The following GPATCH8 variants were observed in gnomAD, a reference collection of about 807,000 sequenced individuals.
The protein encoded by GPATCH8 is G patch domain-containing protein 8.
A neutral mutation model predicts 118.3 loss-of-function variants in GPATCH8; 18 were observed. The observed-to-expected ratio is 0.15, with a 90% confidence interval of 0.11 to 0.23. The LOEUF is 0.23. Among genes scored for constraint, GPATCH8 ranks in the 10% least tolerant of loss-of-function variants. The pLI is 1.00. For synonymous variants in GPATCH8, 659 were observed against 684.7 expected, an observed-to-expected ratio of 0.96 and a Z score of 0.59; for missense variants, 1,631 against 1,873.8, an observed-to-expected ratio of 0.87 and a Z score of 2.39.
chr17:44,466,451 G>C (rs1461731542), intron 2 of GPATCH8, among the ~76,000 whole-genome samples: 1 of 152,144 alleles, frequency 6.6e-6, no homozygotes, highest in Non-Finnish European at 1.5e-5. Context: ...GAAAGAATTA[G>C]AAACACTACT....
chr17:44,439,886 C>T (rs1180638230), intron 3 of GPATCH8, among the ~76,000 whole-genome samples: 2 of 151,398 alleles, frequency 1.3e-5, no homozygotes, highest in Non-Finnish European at 2.9e-5. Flanking sequence ...TGGGTTCAAG[C>T]GATTCTCCTG....
At chr17:44,435,662 T>C (rs2050482286) in intron 4 of GPATCH8, among the ~76,000 whole-genome samples, 1 of 147,844 alleles carries the variant, frequency 6.8e-6, no homozygotes, top group African/African-American at 2.5e-5. Flanking sequence ...GGTGATCTGC[T>C]TGTCTCGGCC....
At chr17:44,442,112 TA>T (rs2050716088) in intron 3 of GPATCH8, among the ~76,000 whole-genome samples, 1 of 53,822 alleles carries the variant, frequency 1.9e-5, no homozygotes, top group Non-Finnish European at 5.6e-5. Flanking sequence ...TATATACATA[TA>T]TATATATATA....
chr17:44,473,001 C>A (rs927931005), intron 2 of GPATCH8, among the ~76,000 whole-genome samples: 2 of 151,586 alleles, frequency 1.3e-5, no homozygotes, highest in African/African-American at 4.9e-5. Context: ...GCCAGACCCT[C>A]CAGTTTTGTA....
At chr17:44,498,763 G>C (rs560938568) in intron 1 of GPATCH8, among the ~76,000 whole-genome samples, 8 of 152,116 alleles carry the variant, frequency 5.3e-5, no homozygotes, top group South Asian at 2.1e-4. Context: ...TCCAGATTAC[G>C]GGAGCGAGAC....
chr17:44,436,591 A>G (rs1401998443), intron 3 of GPATCH8, 46 bp from the exon 4 acceptor site: 12 of 921,344 alleles, frequency 1.3e-5, no homozygotes, highest in Admixed American at 3.4e-5. Context: ...AGCCAAACCA[A>G]CAGCTCATTT....
chr17:44,448,231 A>C (rs945806167), intron 3 of GPATCH8, among the ~76,000 whole-genome samples: 1 of 152,202 alleles, frequency 6.6e-6, no homozygotes, highest in Admixed American at 6.5e-5. Context: ...CCCCATTTAC[A>C]GATGGAGAAA....
chr17:44,400,315 C>T lies in GPATCH8; in HGVS notation c.1762G>A (p.Gly588Arg). 1 of 1,614,138 alleles carries T rather than the reference C, an allele frequency of 6.2e-7. No individual in the cohort carries two copies. Among genetic ancestry groups the T allele is most frequent in the Non-Finnish European group, 8.5e-7 (1 of 1,179,996 alleles). ...CCTATATCCTTTGGTTTTTCTGTTC[C>T]TTTAGTTCTGGCATCTTTGTTCCTT... Reference protein sequence around the residue: ...LSRNKDARTKGTEKPKDIGSS... With the variant: ...LSRNKDARTKRTEKPKDIGSS... The change falls in exon 8 of 8, where the codon GGA (glycine) becomes AGA (arginine). Residue 588 changes from glycine to arginine, a missense_variant. Around this residue, in one of 8 missense-constraint regions of GPATCH8, gnomAD observed 405 missense variants for 462.7 expected, o/e 0.88. Transcript: ENST00000591680.
rs762060303 is a variant in GPATCH8, at chr17:44,397,908, G to C, written c.4169C>G (p.Ala1390Gly). Reference sequence around the variant, plus strand: ...ATGGGGGTGAGGGTGAATGCCGATGGCGGCAGCAGCTGCGGCAGCATGATG... The same window carrying C: ...ATGGGGGTGAGGGTGAATGCCGATGCCGGCAGCAGCTGCGGCAGCATGATG... ...LQHHAAAAAA[A>G]IGIHPHPHPQ... The change falls in exon 8 of 8, where the codon GCC (alanine) becomes GGC (glycine). Residue 1390 changes from alanine (A) to glycine (G), a missense_variant. Physicochemically the swap from Ala to Gly is moderately conservative, Grantham distance 60. Transcript: ENST00000591680. The C allele has an allele frequency of 6.2e-7, 1 of 1,611,888 alleles. No homozygotes were observed. Among genetic ancestry groups the C allele is most frequent in the Non-Finnish European group, 8.5e-7 (1 of 1,178,198 alleles).
At chr17:44,440,701 A>G (rs568176352) in intron 3 of GPATCH8, among the ~76,000 whole-genome samples, 4 of 152,380 alleles carry the variant, frequency 2.6e-5, no homozygotes, top group African/African-American at 9.6e-5. Flanking sequence ...AGTCAAACAC[A>G]AAAACCCACT....
At chr17:44,490,993 G>A (rs902344576) in intron 1 of GPATCH8, among the ~76,000 whole-genome samples, 5 of 152,146 alleles carry the variant, frequency 3.3e-5, no homozygotes, top group African/African-American at 7.2e-5. Context: ...TGATTCTGAC[G>A]TCTACATAAT....
At chr17:44,457,143 G>A (rs1487975330) in intron 3 of GPATCH8, among the ~76,000 whole-genome samples, 17 of 152,190 alleles carry the variant, frequency 1.1e-4, no homozygotes, top group Non-Finnish European at 4.4e-5. Context: ...GATTACAGGT[G>A]TGACCCACTG....
intron 5 of GPATCH8, among the ~76,000 whole-genome samples, chr17:44,432,653 A>G (rs1379395751): frequency 3.9e-5 from 6 of 152,182 alleles, no homozygotes; most frequent in Non-Finnish European, 5.9e-5. Context: ...GTGGTGCTAG[A>G]GGGGAAAAGT....
chr17:44,460,553 A>G (rs1598554935), intron 3 of GPATCH8, among the ~76,000 whole-genome samples: 1 of 152,230 alleles, frequency 6.6e-6, no homozygotes, highest in African/African-American at 2.4e-5. Context: ...AAGAACTGCA[A>G]CTTTTGTTGG....
Position 44,395,977 on chromosome 17 carries a change from G to A in GPATCH8, c.*1591C>T, listed in dbSNP as rs145537920. ...GGTAATTCCTCTTGTCAGTGTCATG[G>A]GAGAAAAGAAACAAGGAACGTTTAC... is the stretch of plus-strand genomic sequence containing the variant. On this transcript the variant is annotated 3_prime_UTR_variant, in exon 8 of 8. Transcript: ENST00000591680. 9 of 454,460 alleles carry A rather than the reference G, an allele frequency of 2.0e-5. No individual in the cohort carries two copies. The highest frequency in any genetic ancestry group is 1.8e-4 in the African/African-American group (9 of 50,102). The allele number at this position is 454,460 out of a possible 1,614,324, so 28.2% of individuals were successfully genotyped here.
Position 44,503,394 on chromosome 17 carries a change from G to C in GPATCH8, c.-24C>G. On this transcript the variant is annotated 5_prime_UTR_variant, in exon 1 of 8. Coordinates refer to ENST00000591680, the MANE Select transcript of GPATCH8 (RefSeq NM_001002909.4). ...ATTTTGCCGCCTTCACTCCTCTCAG[G>C]ACGACGCTCTCCGGTTCGCTCCTTC... The C allele has an allele frequency of 3.8e-6, 6 of 1,594,212 alleles. No homozygotes were observed. The highest frequency in any genetic ancestry group is 5.1e-6 in the Non-Finnish European group (6 of 1,169,010).
chr17:44,453,498 G>GTGTGTGTGTGTGTGTCT (rs1298562128), intron 3 of GPATCH8, among the ~76,000 whole-genome samples: 1 of 130,092 alleles, frequency 7.7e-6, no homozygotes, highest in Non-Finnish European at 1.6e-5. Flanking sequence ...TAGGTAGGTA[G>GTGTGTGTGTGTGTGTCT]GGGTGTGTGT....
intron 2 of GPATCH8, among the ~76,000 whole-genome samples, chr17:44,469,827 T>A (rs1418263193): frequency 6.6e-6 from 1 of 152,230 alleles, no homozygotes; most frequent in Non-Finnish European, 1.5e-5. Flanking sequence ...AGAAGCACAT[T>A]ATTTCTAGTG....
intron 3 of GPATCH8, among the ~76,000 whole-genome samples, chr17:44,445,511 T>C (rs927566627): frequency 3.3e-5 from 5 of 152,064 alleles, no homozygotes; most frequent in African/African-American, 4.8e-5. Context: ...TCTTTTTTTT[T>C]TTTCCCCCCC....
Sources: gnomAD v4.1 joint callset for allele counts (sites outside exome capture counted in the v4.1 genomes callset) on GRCh38, gnomAD v4.1.1 for gene constraint, gnomAD v4.1.1 regional missense constraint, MANE v1.5 for transcripts, NCBI Gene and HGNC (gene_info 2026-07-23, HGNC 2026-07-21) for gene names.